DNAH9: variants seen among roughly 807,000 people sequenced by gnomAD.
DNAH9 encodes the protein DNAH9 variant protein.
Under a neutral mutation model 471.6 loss-of-function variants are expected in DNAH9, and 345 were observed. That is an observed-to-expected ratio of 0.73 (90% CI 0.67 to 0.80). DNAH9 has a LOEUF of 0.80. Ranked by LOEUF, DNAH9 falls within the 30% of genes least tolerant of loss-of-function variation. DNAH9 has a pLI of 0.00. For missense variants in DNAH9, 5,407 were observed against 5,609.2 expected, an observed-to-expected ratio of 0.96 and a Z score of 1.15; for synonymous variants, 2,093 against 2,123.6, an observed-to-expected ratio of 0.99 and a Z score of 0.40.
chr17:11,636,840 C>T, intron 9 of DNAH9, 56 bp downstream of exon 9: 1 of 1,450,092 alleles, frequency 6.9e-7, no homozygotes, highest in Non-Finnish European at 9.7e-7. Context: ...AAAGAAGCAA[C>T]TCATTCCTCT....
Position 11,598,566 on chromosome 17 carries a change from G to GCGGATGGGGAACCCGGCGCCGACCA in DNAH9, c.68_69insCGGATGGGGAACCCGGCGCCGACCA (p.Arg24GlyfsTer36). On this transcript the variant is annotated frameshift_variant, in exon 1 of 69. Transcript: ENST00000262442. LOFTEE classifies it high-confidence loss of function. ...GCGGATGGGGAACCCGGCGCCGACCGACGACTGCGACTCCTGGGGACCTAC... is the reference window on the plus strand; with the variant it reads ...GCGGATGGGGAACCCGGCGCCGACCGCGGATGGGGAACCCGGCGCCGACCAACGACTGCGACTCCTGGGGACCTAC... 1 of 1,406,166 alleles carries GCGGATGGGGAACCCGGCGCCGACCA rather than the reference G, an allele frequency of 7.1e-7. No individual in the cohort carries two copies. The highest frequency in any genetic ancestry group is 1.5e-5 in the South Asian group (1 of 65,396). The allele number at this position is 1,406,166 out of a possible 1,614,324, so 87.1% of individuals were successfully genotyped here.
intron 13 of DNAH9, 123 bp downstream of exon 13, chr17:11,651,447 C>A: frequency 1.0e-6 from 1 of 986,372 alleles, no homozygotes; most frequent in Non-Finnish European, 1.5e-6. Context: ...TCTGTCTTCT[C>A]CTTTGACACA....
At position 11,640,951 on chromosome 17, in the gene DNAH9, A is replaced by C. The variant is rs149334832; in HGVS notation, c.1901+567A>C. On this transcript the variant is annotated intron_variant, in intron 10 of 68. Coordinates refer to ENST00000262442, the MANE Select transcript of DNAH9 (RefSeq NM_001372.4). ...CAGCTTGCTTCATAGCTGAGGTTAG[A>C]AGCTGAGATAGAAGCAACTCAGCTG... Among the ~76,000 whole-genome samples, 727 of 152,220 alleles carry C rather than the reference A, an allele frequency of 4.8e-3. 7 individuals are homozygous for C. The highest frequency in any genetic ancestry group is 8.7e-3 in the Admixed American group (133 of 15,298).
chr17:11,894,208 G>A (rs1479175442), intron 58 of DNAH9, among the ~76,000 whole-genome samples, 166 bp from the exon 59 acceptor site: 7 of 152,164 alleles, frequency 4.6e-5, no homozygotes, highest in Admixed American at 1.3e-4. Context: ...CAGTAGTAAC[G>A]TGTGTGAATA....
chr17:11,829,532 C>T (rs1009954775), intron 48 of DNAH9, among the ~76,000 whole-genome samples: 4 of 152,114 alleles, frequency 2.6e-5, no homozygotes, highest in African/African-American at 9.7e-5. Context: ...AGTGCAGTGG[C>T]CTGATCTTGG....
chr17:11,919,593 A>C (rs1974070859), intron 61 of DNAH9, among the ~76,000 whole-genome samples: 1 of 152,066 alleles, frequency 6.6e-6, no homozygotes, highest in Non-Finnish European at 1.5e-5. Flanking sequence ...ACATTGAAAG[A>C]GTACCAAAGC....
At chr17:11,795,968 G>C (rs1196848767) in intron 42 of DNAH9, among the ~76,000 whole-genome samples, 1 of 152,144 alleles carries the variant, frequency 6.6e-6, no homozygotes, top group Admixed American at 6.5e-5. Flanking sequence ...ATAAAATCCT[G>C]TTTCCACTAT....
chr17:11,761,941 G>C (rs1967689874), intron 35 of DNAH9, among the ~76,000 whole-genome samples: 1 of 151,992 alleles, frequency 6.6e-6, no homozygotes, highest in African/African-American at 2.4e-5. Context: ...TCCCACCTAA[G>C]TTGTCTAGAA....
chr17:11,780,337 A>G (rs755574555), intron 38 of DNAH9, among the ~76,000 whole-genome samples: 2 of 152,230 alleles, frequency 1.3e-5, no homozygotes, highest in Non-Finnish European at 2.9e-5. Context: ...GGAAAATCCC[A>G]CGAGATGAAC....
At chr17:11,670,461 G>A (rs1215359889) in intron 17 of DNAH9, among the ~76,000 whole-genome samples, 2 of 152,144 alleles carry the variant, frequency 1.3e-5, no homozygotes, top group African/African-American at 4.8e-5. Context: ...GGGACCACCA[G>A]TCCCTCTGCA....
chr17:11,852,814 GTA>G (rs58555259), intron 49 of DNAH9, among the ~76,000 whole-genome samples: 6,549 of 91,576 alleles, frequency 0.072, 420 homozygotes, highest in Non-Finnish European at 0.082. Context: ...GTGTGTGTGT[GTA>G]TATATATATA....
intron 56 of DNAH9, chr17:11,884,611 G>C (rs1056340940): frequency 8.8e-6 from 4 of 455,642 alleles, no homozygotes; most frequent in African/African-American, 8.0e-5. Flanking sequence ...AGCAATGATG[G>C]GTAAGACAGA....
At chr17:11,931,478 C>G (rs1187026531) in intron 63 of DNAH9, among the ~76,000 whole-genome samples, 3 of 152,154 alleles carry the variant, frequency 2.0e-5, no homozygotes, top group Non-Finnish European at 4.4e-5. Flanking sequence ...CTGTGTGACA[C>G]CCTTGTAGTG....
rs190970405 is a variant in DNAH9, at chr17:11,625,594, C to T, written c.1351-3823C>T. ...AAGGTTCTTCTTTTAAGATGGGCAG[C>T]GTGGCCTCTCCTTTGAGAAGGGGGT... On this transcript the variant is annotated intron_variant, in intron 6 of 68. Coordinates refer to ENST00000262442, the MANE Select transcript of DNAH9 (RefSeq NM_001372.4). Among the ~76,000 whole-genome samples, 84 of 152,284 alleles carry T rather than the reference C, an allele frequency of 5.5e-4. 1 individual carries two copies. Among genetic ancestry groups the T allele is most frequent in the African/African-American group, 1.9e-3 (78 of 41,560 alleles).
Position 11,783,812 on chromosome 17 carries a change from T to C in DNAH9, c.7821+64T>C. On this transcript the variant is annotated intron_variant, in intron 40 of 68. Transcript: ENST00000262442. ...CTTACTAGAGCTGATGCCCCTTGAT[T>C]ATAAGTATAATAATTGGCCTTTTTC... The C allele has an allele frequency of 2.2e-6, 3 of 1,362,142 alleles. No individual in the cohort carries two copies. In the East Asian group the frequency reaches 6.9e-5, roughly 31 times the overall value. The allele number at this position is 1,362,142 out of a possible 1,614,324, so 84.4% of individuals were successfully genotyped here.
At chr17:11,866,040 C>G (rs1972041402) in intron 50 of DNAH9, among the ~76,000 whole-genome samples, 1 of 152,228 alleles carries the variant, frequency 6.6e-6, no homozygotes, top group Non-Finnish European at 1.5e-5. Flanking sequence ...CTCCGTCCAG[C>G]TTTGTTCTAT....
At chr17:11,881,566 A>G (rs1016231889) in intron 55 of DNAH9, among the ~76,000 whole-genome samples, 153 bp downstream of exon 55, 5 of 152,150 alleles carry the variant, frequency 3.3e-5, no homozygotes, top group African/African-American at 1.2e-4. Context: ...GCAACCTGGG[A>G]ATACCATACT....
At chr17:11,804,880 A>C (rs1005504089) in intron 43 of DNAH9, among the ~76,000 whole-genome samples, 7 of 151,882 alleles carry the variant, frequency 4.6e-5, no homozygotes, top group African/African-American at 1.7e-4. Context: ...TCTCAAAAAA[A>C]AAAAAAAAAG....
chr17:11,876,650 C>T (rs1423628148), intron 53 of DNAH9, among the ~76,000 whole-genome samples: 3 of 151,984 alleles, frequency 2.0e-5, no homozygotes, highest in African/African-American at 4.8e-5. Context: ...CCAGGGAGTG[C>T]GAGGGAGAGG....
Sources: allele counts gnomAD v4.1 joint callset (sites outside exome capture counted in the v4.1 genomes callset), GRCh38; gene constraint gnomAD v4.1.1; transcripts MANE v1.5; gene names NCBI Gene and HGNC (gene_info 2026-07-23, HGNC 2026-07-21).